The following SAMD5 variants were observed in gnomAD, a reference collection of about 807,000 sequenced individuals.
SAMD5 encodes sterile alpha motif domain-containing protein 5.
In SAMD5, 13 loss-of-function variants were observed where a neutral mutation model predicts 11.3. The observed-to-expected ratio is 1.15, with a 90% CI of 0.75 to 1.83. The LOEUF is 1.83. Ranked by LOEUF, SAMD5 falls within the 40% of genes most tolerant of loss-of-function variation. The pLI, the probability that SAMD5 is intolerant of heterozygous loss-of-function variation, is 0.00. For synonymous variants in SAMD5, 129 were observed against 111.3 expected, an observed-to-expected ratio of 1.16 and a Z score of -1.00; for missense variants, 255 against 239.1, an observed-to-expected ratio of 1.07 and a Z score of -0.44.
the SAMD5 span, among the ~76,000 whole-genome samples, chr6:147,945,523 G>T: frequency 6.6e-6 from 1 of 152,134 alleles, no homozygotes; most frequent in Non-Finnish European, 1.5e-5. Context: ...TATTTCTTAA[G>T]GATGGTGAAT....
At chr6:147,601,339 A>ATT (rs138742748) in intron 1 of SAMD5, among the ~76,000 whole-genome samples, 2,283 of 147,692 alleles carry the variant, frequency 0.015, 53 homozygotes, top group African/African-American at 0.052. Flanking sequence ...CATAAATCAG[A>ATT]TTTTTTTTTT....
chr6:147,927,178 A>G, the SAMD5 span, among the ~76,000 whole-genome samples: 1 of 152,122 alleles, frequency 6.6e-6, no homozygotes, highest in Non-Finnish European at 1.5e-5. Context: ...ATTTTAAAAT[A>G]GTTTTTTCTA....
chr6:147,527,074 GC>G (rs1164641782), intron 1 of SAMD5, among the ~76,000 whole-genome samples: 1 of 152,150 alleles, frequency 6.6e-6, no homozygotes, highest in Non-Finnish European at 1.5e-5. Flanking sequence ...CAGCTTTGAA[GC>G]TTTGGATTGA....
At chr6:147,724,915 CA>C (rs966608272) in intron 1 of SAMD5, among the ~76,000 whole-genome samples, 1 of 147,218 alleles carries the variant, frequency 6.8e-6, no homozygotes, top group Non-Finnish European at 1.5e-5. Flanking sequence ...AGCTCTGCCT[CA>C]AAAAAACAAA....
At chr6:147,522,663 C>A (rs1389512256) in intron 1 of SAMD5, among the ~76,000 whole-genome samples, 1 of 152,186 alleles carries the variant, frequency 6.6e-6, no homozygotes, top group East Asian at 1.9e-4. Flanking sequence ...TCTTTTCTTT[C>A]ATGAAAAATG....
At chr6:147,694,744 C>T (rs1278065807) in intron 1 of SAMD5, among the ~76,000 whole-genome samples, 1 of 152,090 alleles carries the variant, frequency 6.6e-6, no homozygotes, top group African/African-American at 2.4e-5. Context: ...TTGAACCCCA[C>T]AGGTCAAGGC....
intron 1 of SAMD5, among the ~76,000 whole-genome samples, chr6:147,699,545 G>T (rs1268501085): frequency 6.6e-6 from 1 of 152,156 alleles, no homozygotes. Flanking sequence ...AAATTCTGAT[G>T]ATGTTAAAAA....
chr6:147,569,357 C>A lies in SAMD5; in HGVS notation c.*4901C>A, dbSNP rs1371224976. On this transcript the variant is annotated 3_prime_UTR_variant, in exon 2 of 2. Coordinates refer to ENST00000367474, the MANE Select transcript of SAMD5 (RefSeq NM_001030060.3). ...TTTTATTACTGCAGTTGAGAGATAC[C>A]TTTTCAGAGGAAAACAAGAGGCTAA... The A allele has an allele frequency of 8.2e-6, 7 of 855,990 alleles. No homozygotes were observed. The highest frequency in any genetic ancestry group is 8.4e-6 in the Non-Finnish European group (6 of 712,676). 53.0% of individuals were successfully genotyped at this position (855,990 alleles called of 1,614,324 possible).
chr6:147,564,446 AG>A lies in SAMD5; in HGVS notation c.513del (p.Ser172AlafsTer7), dbSNP rs753262469. 3.3e-5 allele frequency: 26 copies of A among 782,264 alleles called. 1 individual carries two copies. The highest frequency in any genetic ancestry group is 2.5e-4 in the African/African-American group (15 of 59,258). 48.5% of individuals were successfully genotyped at this position (782,264 alleles called of 1,614,324 possible). The stretch of plus-strand genomic sequence containing the variant: ...TTAATGAATTGGCCGAAGTCATCAC[AG>A]AGCCGCTAGATATCATTTTTGAGAC... The part of the protein sequence containing the change: ...EYLMNWPKSS[Q>X]SR On this transcript the variant is annotated frameshift_variant, in exon 2 of 2. Coordinates refer to ENST00000367474, the MANE Select transcript of SAMD5 (RefSeq NM_001030060.3). LOFTEE classifies it high-confidence loss of function.
the SAMD5 span, among the ~76,000 whole-genome samples, chr6:147,786,458 A>G: frequency 1.7e-4 from 26 of 152,146 alleles, no homozygotes; most frequent in Non-Finnish European, 3.8e-4. Flanking sequence ...AAGCTCATAT[A>G]CTCCCTTGTG....
chr6:147,932,732 A>G, the SAMD5 span, among the ~76,000 whole-genome samples: 2 of 151,962 alleles, frequency 1.3e-5, no homozygotes, highest in African/African-American at 4.8e-5. Flanking sequence ...ATGGCTGGGT[A>G]GCCACAGAGA....
chr6:147,813,497 T>C, the SAMD5 span, among the ~76,000 whole-genome samples: 1 of 152,222 alleles, frequency 6.6e-6, no homozygotes, highest in Non-Finnish European at 1.5e-5. Context: ...TATATGTATC[T>C]TTAAGATAAA....
chr6:147,534,974 C>T (rs1788485695), intron 1 of SAMD5, among the ~76,000 whole-genome samples: 2 of 152,032 alleles, frequency 1.3e-5, no homozygotes, highest in South Asian at 4.2e-4. Flanking sequence ...CAGCCTATGC[C>T]CAGGAATGAA....
At position 147,568,796 on chromosome 6, in the gene SAMD5, A is replaced by C; in HGVS notation, c.*4340A>C. 1 of 964,926 alleles carries C rather than the reference A, an allele frequency of 1.0e-6. No individual in the cohort carries two copies. Among genetic ancestry groups the C allele is most frequent in the Non-Finnish European group, 1.2e-6 (1 of 811,314 alleles). 59.8% of individuals were successfully genotyped at this position (964,926 alleles called of 1,614,324 possible). A position where few individuals can be genotyped will look rare whatever the true frequency, so the allele number is the denominator to read the frequency against. On this transcript the variant is annotated 3_prime_UTR_variant, in exon 2 of 2. Coordinates refer to ENST00000367474, the MANE Select transcript of SAMD5 (RefSeq NM_001030060.3). ...TTTTACACTATCAGATTCTTTGATT[A>C]AAAAATCATCTTCAGCTTTACATTA...
intron 1 of SAMD5, among the ~76,000 whole-genome samples, chr6:147,707,186 C>G (rs1471049280): frequency 1.3e-5 from 2 of 152,156 alleles, no homozygotes; most frequent in African/African-American, 2.4e-5. Flanking sequence ...TTGTGGACTT[C>G]TTGACTTGCT....
chr6:147,737,192 T>A (rs1056321030), intron 1 of SAMD5: 2 of 317,252 alleles, frequency 6.3e-6, no homozygotes, highest in African/African-American at 4.3e-5. Flanking sequence ...TTTTTTATAA[T>A]TGACAGCATG....
In SAMD5 at chr6:147,680,536, C is replaced by T. The variant is rs189959404; in HGVS notation, c.163-56781C>T. Among the ~76,000 whole-genome samples the T allele has an allele frequency of 8.5e-4, 129 of 152,176 alleles. 2 individuals are homozygous for T. The highest frequency in any genetic ancestry group is 3.1e-3 in the African/African-American group (128 of 41,560). On this transcript the variant is annotated intron_variant, in intron 1 of 1. Coordinates refer to the SAMD5 transcript ENST00000566741. ...TTTTGCTTATTACACTGGTTAGAACCTCCATTACTATGTTTAATAGATATG... is the reference window on the plus strand; with the variant it reads ...TTTTGCTTATTACACTGGTTAGAACTTCCATTACTATGTTTAATAGATATG...
rs371891836 is a variant in SAMD5, at chr6:147,722,826, G to C, written c.163-14491G>C. 4.9e-4 allele frequency among the ~76,000 whole-genome samples: 74 copies of C among 152,286 alleles called. 1 individual carries two copies. The South Asian group carries it at 0.015, about 31-fold the overall frequency. ...TAGAAATGAACACACTTCTTGTTCT[G>C]TGAGGCCATTATTGTAGGTGGTTGA... On this transcript the variant is annotated intron_variant, in intron 1 of 1. Transcript: ENST00000566741.
chr6:147,716,173 C>T (rs1200711325), intron 1 of SAMD5, among the ~76,000 whole-genome samples: 1 of 152,208 alleles, frequency 6.6e-6, no homozygotes, highest in Non-Finnish European at 1.5e-5. Flanking sequence ...ATGGGTTGCC[C>T]TTAGCACCAC....
Sources: allele counts gnomAD v4.1 joint callset (sites outside exome capture counted in the v4.1 genomes callset), GRCh38; gene constraint gnomAD v4.1.1; transcripts MANE v1.5; gene names NCBI Gene and HGNC (gene_info 2026-07-23, HGNC 2026-07-21).